The following AGBL1 variants were observed in gnomAD, a reference collection of about 807,000 sequenced individuals.
The protein encoded by AGBL1 is AGBL carboxypeptidase 1, also known as cytosolic carboxypeptidase 4.
Under a neutral mutation model 118.9 loss-of-function variants are expected in AGBL1, and 130 were observed. The ratio of observed to expected loss-of-function variants is 1.09; its 90% CI spans 0.95 to 1.26. The LOEUF is 1.26. Among genes scored for constraint, AGBL1 ranks in the 50% most tolerant of loss-of-function variants. AGBL1 has a pLI of 0.00. For synonymous variants in AGBL1, 555 were observed against 478.9 expected, an observed-to-expected ratio of 1.16 and a Z score of -2.08; for missense variants, 1,584 against 1,298.1, an observed-to-expected ratio of 1.22 and a Z score of -3.38.
At chr15:86,971,809 C>T (rs1049038736) in intron 23 of AGBL1, among the ~76,000 whole-genome samples, 22 of 151,872 alleles carry the variant, frequency 1.4e-4, no homozygotes, top group African/African-American at 4.6e-4. Context: ...CCCATAATCC[C>T]CCTGTGTCAA....
chr15:86,699,312 A>G (rs1401321275), intron 22 of AGBL1, among the ~76,000 whole-genome samples: 1 of 152,046 alleles, frequency 6.6e-6, no homozygotes, highest in Non-Finnish European at 1.5e-5. Context: ...TGCATTTCCT[A>G]AAAATATATA....
At chr15:86,778,141 T>A (rs2141301580) in intron 22 of AGBL1, among the ~76,000 whole-genome samples, 1 of 152,094 alleles carries the variant, frequency 6.6e-6, no homozygotes, top group East Asian at 1.9e-4. Flanking sequence ...CAAGTTTTTA[T>A]TAGTGATTTT....
At chr15:86,384,636 C>T (rs1019692758) in intron 17 of AGBL1, among the ~76,000 whole-genome samples, 1 of 152,142 alleles carries the variant, frequency 6.6e-6, no homozygotes, top group Non-Finnish European at 1.5e-5. Flanking sequence ...GATGGATTGG[C>T]TCATCTTTAT....
chr15:86,544,767 C>T (rs1185655320), intron 19 of AGBL1, among the ~76,000 whole-genome samples: 1 of 152,158 alleles, frequency 6.6e-6, no homozygotes, highest in Admixed American at 6.6e-5. Context: ...GGTGGGAACA[C>T]AGCCAAACCA....
intron 23 of AGBL1, among the ~76,000 whole-genome samples, chr15:86,980,287 G>A (rs915787645): frequency 6.6e-6 from 1 of 152,198 alleles, no homozygotes; most frequent in Non-Finnish European, 1.5e-5. Context: ...GCTGCCTGCT[G>A]ATTGCTTTTT....
At position 86,615,837 on chromosome 15, in the gene AGBL1, G is replaced by C. The variant is rs184618350; in HGVS notation, c.2995-58436G>C. Among the ~76,000 whole-genome samples the C allele has an allele frequency of 1.4e-3, 207 of 152,164 alleles. 1 individual carries two copies. Among genetic ancestry groups the C allele is most frequent in the Non-Finnish European group, 1.7e-3 (116 of 68,012 alleles). ...GATGGAAACTCAGGGAAAGACTGTT[G>C]TAAAATGAAAAATTAATTAATAGGG... On this transcript the variant is annotated intron_variant, in intron 21 of 22. Coordinates refer to ENST00000614907, the MANE Select transcript of AGBL1 (RefSeq NM_001386094.1). This position sits in a 1 kb window ranked among gnomAD's most constrained non-coding sequence, Gnocchi z 4.3.
intron 22 of AGBL1, among the ~76,000 whole-genome samples, chr15:86,728,232 G>A (rs2142741455): frequency 6.6e-6 from 1 of 152,324 alleles, no homozygotes; most frequent in South Asian, 2.1e-4. Context: ...GAAATACACA[G>A]TGCAGGTGGA....
At chr15:86,169,342 TGGAG>T (rs1674361786) in intron 5 of AGBL1, among the ~76,000 whole-genome samples, 1 of 152,038 alleles carries the variant, frequency 6.6e-6, no homozygotes, top group South Asian at 2.1e-4. Context: ...CTGCAGGAAA[TGGAG>T]GGAACAATAT....
At chr15:86,093,089 T>C (rs1896139190) in intron 1 of AGBL1, among the ~76,000 whole-genome samples, 1 of 152,080 alleles carries the variant, frequency 6.6e-6, no homozygotes, top group African/African-American at 2.4e-5. Flanking sequence ...ACAAGAACAA[T>C]ATAGAGCTTT....
At chr15:86,874,015 A>G (rs1044765652) in intron 22 of AGBL1, among the ~76,000 whole-genome samples, 11 of 152,158 alleles carry the variant, frequency 7.2e-5, no homozygotes, top group Non-Finnish European at 1.5e-4. Flanking sequence ...ATCTTTTCTC[A>G]GTTTTTAAAT....
chr15:86,473,040 TATATATTACTTTAACATTA>T, intron 18 of AGBL1, among the ~76,000 whole-genome samples: 1 of 152,362 alleles, frequency 6.6e-6, no homozygotes, highest in Non-Finnish European at 1.5e-5. Context: ...ACTACAATAG[TATATATTACTTTAACATTA>T]GATTAAATGA....
intron 23 of AGBL1, among the ~76,000 whole-genome samples, chr15:86,934,451 G>A (rs1008854312): frequency 6.6e-6 from 1 of 151,704 alleles, no homozygotes; most frequent in African/African-American, 2.4e-5. Flanking sequence ...GAGAGAGGCA[G>A]AATAAACAAG....
intron 5 of AGBL1, among the ~76,000 whole-genome samples, chr15:86,215,411 T>C (rs990209198): frequency 6.6e-6 from 1 of 152,162 alleles, no homozygotes; most frequent in Non-Finnish European, 1.5e-5. Context: ...GGTTCTTCAC[T>C]TTCTTTTTCC....
chr15:86,493,916 G>T (rs1008459352), intron 18 of AGBL1, among the ~76,000 whole-genome samples: 26 of 151,860 alleles, frequency 1.7e-4, no homozygotes, highest in African/African-American at 6.0e-4. Context: ...TCAGTGCATG[G>T]CTCCTCTCTT....
intron 22 of AGBL1, among the ~76,000 whole-genome samples, chr15:86,790,613 A>G (rs911513201): frequency 5.9e-5 from 9 of 152,174 alleles, no homozygotes; most frequent in African/African-American, 2.2e-4. Context: ...TGGTTTTTTA[A>G]TGTATTTTAT....
intron 24 of AGBL1, among the ~76,000 whole-genome samples, chr15:87,016,285 G>C (rs984510983): frequency 1.3e-5 from 2 of 152,080 alleles, no homozygotes; most frequent in African/African-American, 4.8e-5. Flanking sequence ...CCATATTTCA[G>C]ATCATTGTTC....
chr15:86,632,134 G>A lies in AGBL1; in HGVS notation c.2995-42139G>A, dbSNP rs553558083. On this transcript the variant is annotated intron_variant, in intron 21 of 22. Transcript: ENST00000614907. ...TTTTTTAAAGTTAACCAGGTGTGGTGGCTCACATTTGTAGTCCCAGCTACT... is the reference window on the plus strand; with the variant it reads ...TTTTTTAAAGTTAACCAGGTGTGGTAGCTCACATTTGTAGTCCCAGCTACT... Among the ~76,000 whole-genome samples the A allele has an allele frequency of 2.0e-5, 3 of 151,784 alleles. No individual in the cohort carries two copies. The South Asian group carries it at 6.3e-4, about 32-fold the overall frequency.
Position 86,278,719 on chromosome 15 carries a change from C to T in AGBL1, c.2076-920C>T, listed in dbSNP as rs144409916. On this transcript the variant is annotated intron_variant, in intron 15 of 22. Transcript: ENST00000614907. ...AAAGGTGGAATTACATCTTGGTGTC[C>T]GGGTGTATTTTGCATTATAATGCAG... Among the ~76,000 whole-genome samples the T allele has an allele frequency of 8.0e-4, 121 of 152,192 alleles. 1 individual carries two copies. In the Middle Eastern group the frequency reaches 0.027, roughly 34 times the overall value.
At chr15:86,955,036 A>C (rs947412686) in intron 23 of AGBL1, among the ~76,000 whole-genome samples, 2 of 152,008 alleles carry the variant, frequency 1.3e-5, no homozygotes, top group Admixed American at 6.6e-5. Flanking sequence ...ATCCTACAAA[A>C]ACATACTTCC....
Sources: gnomAD v4.1 joint callset for allele counts (sites outside exome capture counted in the v4.1 genomes callset) on GRCh38, gnomAD v4.1.1 for gene constraint, Gnocchi (gnomAD v3.1) non-coding constraint, MANE v1.5 for transcripts, NCBI Gene and HGNC (gene_info 2026-07-23, HGNC 2026-07-21) for gene names.